The following DAZAP2 variants were observed in gnomAD, a reference collection of about 807,000 sequenced individuals.
The protein encoded by DAZAP2 is DAZ-associated protein 2.
In DAZAP2, 3 loss-of-function variants were observed where a neutral mutation model predicts 16.2. The ratio of observed to expected loss-of-function variants is 0.19; its 90% confidence interval spans 0.08 to 0.48. The LOEUF is 0.48. Ranked by LOEUF, DAZAP2 falls within the 20% of genes least tolerant of loss-of-function variation. The probability of loss-of-function intolerance (pLI) is 0.98; values close to 1 mark genes in which losing one functional copy is unlikely to be tolerated. For synonymous variants in DAZAP2, 69 were observed against 77.6 expected (o/e 0.89, Z 0.58); for missense variants, 172 against 215.9 (o/e 0.80, Z 1.27).
chr12:51,246,009 G>A (rs1944764559), downstream of DAZAP2: 1 of 1,613,908 alleles, frequency 6.2e-7, no homozygotes, highest in East Asian at 2.2e-5. Flanking sequence ...ATGGCACTGG[G>A]CTCACCTTCT....
chr12:51,245,978 A>T (rs778406881), downstream of DAZAP2: 1 of 1,613,986 alleles, frequency 6.2e-7, no homozygotes, highest in South Asian at 1.1e-5. Context: ...GCCCTTGGCC[A>T]AGTCACTCTC....
downstream of DAZAP2, chr12:51,245,723 G>A (rs1026705175): frequency 2.3e-5 from 12 of 520,302 alleles, no homozygotes; most frequent in Non-Finnish European, 3.8e-5. Flanking sequence ...ACCAGCTCTA[G>A]TAAGAGGGCC....
chr12:51,246,376 C>A, downstream of DAZAP2: 1 of 495,618 alleles, frequency 2.0e-6, no homozygotes, highest in Non-Finnish European at 3.5e-6. Flanking sequence ...CAAACCAGTT[C>A]CTGATTCTTA....
chr12:51,239,205 G>T (rs1944615318), intron 1 of DAZAP2: 1 of 455,534 alleles, frequency 2.2e-6, no homozygotes. Flanking sequence ...AGCAAATAGA[G>T]CGCTAGCGCA....
Position 51,242,792 on chromosome 12 carries a change from T to C in DAZAP2, c.*334T>C. 1.4e-6 allele frequency: 2 copies of C among 1,406,220 alleles called. No individual in the cohort carries two copies. Among genetic ancestry groups the C allele is most frequent in the Non-Finnish European group, 1.8e-6 (2 of 1,087,564 alleles). The allele number at this position is 1,406,220 out of a possible 1,614,324, so 87.1% of individuals were successfully genotyped here. A position where few individuals can be genotyped will look rare whatever the true frequency, so the allele number is the denominator to read the frequency against. On this transcript the variant is annotated 3_prime_UTR_variant, in exon 4 of 4. Coordinates refer to ENST00000412716, the MANE Select transcript of DAZAP2 (RefSeq NM_014764.4). Reference sequence around the variant, plus strand: ...TAGTAATAAAACATCAAATTAGGTTTGGAGGGAACTTTGATCTTCCTAAGA... The same window carrying C: ...TAGTAATAAAACATCAAATTAGGTTCGGAGGGAACTTTGATCTTCCTAAGA...
chr12:51,242,711 A>C lies in DAZAP2; in HGVS notation c.*253A>C, dbSNP rs980592380. The stretch of plus-strand genomic sequence containing the variant: ...AAATGAATGTGGGTGAAGCCGCCCT[A>C]AGGATTTTCCTTTAATTTCTCTGGA... On this transcript the variant is annotated 3_prime_UTR_variant, in exon 4 of 4. Transcript: ENST00000412716. The C allele has an allele frequency of 2.2e-5, 33 of 1,476,284 alleles. No individual in the cohort carries two copies. The highest frequency in any genetic ancestry group is 9.0e-6 in the Non-Finnish European group (10 of 1,116,116). 91.4% of individuals were successfully genotyped at this position (1,476,284 alleles called of 1,614,324 possible).
At chr12:51,240,114 G>T in intron 1 of DAZAP2, 2 of 543,622 alleles carry the variant, frequency 3.7e-6, no homozygotes, top group Non-Finnish European at 6.6e-6. Flanking sequence ...CGGTATGTTA[G>T]TAGGAGCAGT....
chr12:51,246,088 G>C (rs781728632), downstream of DAZAP2: 1 of 1,613,972 alleles, frequency 6.2e-7, no homozygotes, highest in East Asian at 2.2e-5. Context: ...TCACGACCGA[G>C]AGCAGGGTGA....
At chr12:51,239,478 G>GAAAAAAAA (rs34206662) in intron 1 of DAZAP2, 2 of 93,676 alleles carry the variant, frequency 2.1e-5, no homozygotes, top group Admixed American at 1.2e-4. Context: ...AAAAGGAATA[G>GAAAAAAAA]AAAAAAAAAA....
Position 51,242,347 on chromosome 12 carries a change from C to T in DAZAP2, c.396C>T (p.Cys132=). The part of the protein sequence containing the change: ...AGNIPPPPPG[C]PPNAAQLAVM... ...CCTTTCAGCCTCCACCTCCTGGATG[C>T]CCTCCCAATGCTGCTCAGCTTGCAG... The change falls in exon 4 of 4, where the codon TGC becomes TGT. Residue 132 remains cysteine, a synonymous_variant. Transcript: ENST00000412716. The T allele has an allele frequency of 6.3e-7, 1 of 1,597,086 alleles. No individual in the cohort carries two copies. The highest frequency in any genetic ancestry group is 8.5e-7 in the Non-Finnish European group (1 of 1,171,120).
Position 51,243,849 on chromosome 12 carries a change from A to T in DAZAP2, c.*1391A>T, listed in dbSNP as rs1261015229. On this transcript the variant is annotated 3_prime_UTR_variant, in exon 4 of 4. Coordinates refer to ENST00000412716, the MANE Select transcript of DAZAP2 (RefSeq NM_014764.4). ...TTTCTTCTATATATATTTTATTTAT[A>T]TCCCATCTAGAATTCAGCTAGGTGC... 2 of 985,086 alleles carry T rather than the reference A, an allele frequency of 2.0e-6. No homozygotes were observed. Among genetic ancestry groups the T allele is most frequent in the Non-Finnish European group, 2.4e-6 (2 of 829,686 alleles). The allele number at this position is 985,086 out of a possible 1,614,324, so 61.0% of individuals were successfully genotyped here.
At position 51,243,356 on chromosome 12, in the gene DAZAP2, T is replaced by G. The variant is rs1240840085; in HGVS notation, c.*898T>G. 1 of 985,674 alleles carries G rather than the reference T, an allele frequency of 1.0e-6. No individual in the cohort carries two copies. Among genetic ancestry groups the G allele is most frequent in the African/African-American group, 1.7e-5 (1 of 57,228 alleles). The allele number at this position is 985,674 out of a possible 1,614,324, so 61.1% of individuals were successfully genotyped here. On this transcript the variant is annotated 3_prime_UTR_variant, in exon 4 of 4. Transcript: ENST00000412716. ...AAAGCTTGATTGATGTGTTCAGAGC[T>G]AAATTAAGAGGAGTTTTCAGATCAA...
chr12:51,240,286 G>A, intron 1 of DAZAP2, 57 bp from the exon 2 acceptor site: 1 of 1,400,930 alleles, frequency 7.1e-7, no homozygotes. Context: ...GATATGACCT[G>A]CCTCATTTTG....
At chr12:51,244,384 A>T (rs1266419945), downstream of DAZAP2, among the ~76,000 whole-genome samples, 3 of 152,072 alleles carry the variant, frequency 2.0e-5, no homozygotes, top group Non-Finnish European at 4.4e-5. Context: ...TTTAGTAGAG[A>T]CGGCTTCACT....
downstream of DAZAP2, chr12:51,245,771 TG>T: frequency 1.5e-6 from 1 of 661,182 alleles, no homozygotes; most frequent in Non-Finnish European, 2.6e-6. Context: ...TCCATGTCCC[TG>T]GTCCCTGGAG....
At chr12:51,240,556 A>G in intron 2 of DAZAP2, 95 bp downstream of exon 2, 1 of 1,135,616 alleles carries the variant, frequency 8.8e-7, no homozygotes, top group Middle Eastern at 2.0e-4. Context: ...TTTACTCTTC[A>G]CAAATGCTAA....
At chr12:51,239,068 C>T (rs562069015) in intron 1 of DAZAP2, 148 bp downstream of exon 1, 9 of 1,147,924 alleles carry the variant, frequency 7.8e-6, no homozygotes, top group South Asian at 7.8e-5. Flanking sequence ...CTGCGCCTGA[C>T]GCCTTCGTCA....
Position 51,243,426 on chromosome 12 carries a change from A to T in DAZAP2, c.*968A>T. The T allele has an allele frequency of 6.1e-6, 6 of 985,836 alleles. No individual in the cohort carries two copies. The highest frequency in any genetic ancestry group is 6.0e-6 in the Non-Finnish European group (5 of 829,936). 61.1% of individuals were successfully genotyped at this position (985,836 alleles called of 1,614,324 possible). ...GTCAGAGTGTCTGATGCGGCCACTC[A>T]TTCGGCTCCCCAGAATTCCTAGACT... is the stretch of plus-strand genomic sequence containing the variant. On this transcript the variant is annotated 3_prime_UTR_variant, in exon 4 of 4. Transcript: ENST00000412716.
Position 51,242,317 on chromosome 12 carries a change from C to A in DAZAP2, c.379-13C>A. On this transcript the variant is annotated splice_polypyrimidine_tract_variant and intron_variant, in intron 3 of 3. Transcript: ENST00000412716. ...CTGCCCTGTGCCCATTCTATCATGT[C>A]ATTTCCTTTCAGCCTCCACCTCCTG... is the stretch of plus-strand genomic sequence containing the variant. 1.3e-6 allele frequency: 2 copies of A among 1,575,030 alleles called. No homozygotes were observed. Among genetic ancestry groups the A allele is most frequent in the South Asian group, 2.4e-5 (2 of 84,414 alleles).
Sources: gnomAD v4.1 joint callset for allele counts (sites outside exome capture counted in the v4.1 genomes callset) on GRCh38, gnomAD v4.1.1 for gene constraint, MANE v1.5 for transcripts, NCBI Gene and HGNC (gene_info 2026-07-23, HGNC 2026-07-21) for gene names.